The following FAM107B variants were observed in gnomAD, a reference collection of about 807,000 sequenced individuals.
FAM107B encodes family with sequence similarity 107 member B, also known as protein FAM107B.
Under a neutral mutation model 31.5 loss-of-function variants are expected in FAM107B, and 21 were observed. The observed-to-expected ratio is 0.67, with a 90% confidence interval of 0.47 to 0.96. The LOEUF is 0.96. Ranked by LOEUF, FAM107B falls within the 40% of genes least tolerant of loss-of-function variation. The pLI is 0.00. For synonymous variants in FAM107B, 157 were observed against 141.5 expected (o/e 1.11, Z -0.78); for missense variants, 452 against 377.1 (o/e 1.20, Z -1.64).
intron 2 of FAM107B, among the ~76,000 whole-genome samples, chr10:14,575,724 CAT>C (rs1337242812): frequency 3.3e-5 from 5 of 152,194 alleles, no homozygotes; most frequent in East Asian, 3.8e-4. Context: ...CAGACAGACA[CAT>C]GTGTGCACGG....
intron 1 of FAM107B, among the ~76,000 whole-genome samples, chr10:14,716,869 C>A (rs1289078801): frequency 6.6e-6 from 1 of 152,158 alleles, no homozygotes; most frequent in Non-Finnish European, 1.5e-5. Context: ...ACAGGTTGAT[C>A]ACCTGAGGTC....
At chr10:14,767,303 G>C (rs564190514) in intron 1 of FAM107B, among the ~76,000 whole-genome samples, 18 of 151,174 alleles carry the variant, frequency 1.2e-4, no homozygotes, top group African/African-American at 4.4e-4. Context: ...TGCTGGCCAG[G>C]CTGGTCTCGA....
intron 2 of FAM107B, among the ~76,000 whole-genome samples, chr10:14,584,744 C>G (rs1851769666): frequency 6.6e-6 from 1 of 152,200 alleles, no homozygotes; most frequent in Admixed American, 6.5e-5. Flanking sequence ...CAACTTTCCA[C>G]ACCTATGTAA....
intron 1 of FAM107B, among the ~76,000 whole-genome samples, chr10:14,740,678 A>T (rs7893725): frequency 2.1e-3 from 324 of 152,352 alleles, no homozygotes; most frequent in African/African-American, 7.3e-3. Flanking sequence ...TGTTAAAAAT[A>T]GGGAAAACTG....
At chr10:14,761,777 T>C (rs573037003) in intron 1 of FAM107B, among the ~76,000 whole-genome samples, 1 of 151,198 alleles carries the variant, frequency 6.6e-6, no homozygotes, top group East Asian at 1.9e-4. Context: ...TTTGTATTTT[T>C]AGTAGAGGGG....
chr10:14,734,686 T>C (rs1022333928), intron 1 of FAM107B, among the ~76,000 whole-genome samples: 1 of 151,956 alleles, frequency 6.6e-6, no homozygotes, highest in African/African-American at 2.4e-5. Flanking sequence ...TCAAGCGGAG[T>C]GACAATTTGG....
intron 2 of FAM107B, among the ~76,000 whole-genome samples, chr10:14,536,572 T>C (rs939996257): frequency 2.6e-5 from 4 of 152,168 alleles, no homozygotes; most frequent in African/African-American, 9.7e-5. Flanking sequence ...GGTAAGAATT[T>C]TTCCCAAAGT....
At chr10:14,716,173 T>C (rs1177520545) in intron 1 of FAM107B, among the ~76,000 whole-genome samples, 1 of 152,226 alleles carries the variant, frequency 6.6e-6, no homozygotes. Flanking sequence ...TATCTACTTA[T>C]CTGGAGAGTC....
rs1001565817 is a variant in FAM107B at position 14,774,312 on chromosome 10, A to T, written c.352T>A (p.Cys118Ser). 6.2e-6 allele frequency: 10 copies of T among 1,614,214 alleles called. No homozygotes were observed. The South Asian group carries it at 8.8e-5, about 14-fold the overall frequency. ...VPGSLDDGADCEAVVFHASIP... is the reference protein window; with the variant it reads ...VPGSLDDGADSEAVVFHASIP... The stretch of plus-strand genomic sequence containing the variant: ...GAAGCGTGAAACACCACTGCTTCAC[A>T]GTCCGCCCCATCATCCAGGGACCCG... The change falls in exon 1 of 5, where the codon TGT becomes AGT. Residue 118 changes from cysteine (C) to serine (S), a missense_variant. By Grantham distance (112) the Cys-to-Ser change is moderately radical (BLOSUM62 -1). Coordinates refer to ENST00000181796, the MANE Select transcript of FAM107B (RefSeq NM_031453.4).
intron 2 of FAM107B, among the ~76,000 whole-genome samples, chr10:14,642,095 G>C (rs539872451): frequency 6.6e-6 from 1 of 152,202 alleles, no homozygotes; most frequent in Non-Finnish European, 1.5e-5. Context: ...TTCCCATTCC[G>C]AAAGGGAGAA....
chr10:14,751,634 T>C (rs1832829591), intron 1 of FAM107B, among the ~76,000 whole-genome samples: 1 of 151,892 alleles, frequency 6.6e-6, no homozygotes, highest in African/African-American at 2.4e-5. Flanking sequence ...CCCAAAGTGA[T>C]GGAAATTACA....
intron 2 of FAM107B, among the ~76,000 whole-genome samples, chr10:14,575,969 C>T (rs1269054075): frequency 1.3e-5 from 2 of 152,142 alleles, no homozygotes; most frequent in East Asian, 1.9e-4. Flanking sequence ...GAAGACATCA[C>T]GCTAAGCGAA....
intron 2 of FAM107B, among the ~76,000 whole-genome samples, chr10:14,601,506 G>T (rs79303689): frequency 0.016 from 2,509 of 152,250 alleles, 45 homozygotes; most frequent in Non-Finnish European, 0.023. Context: ...GGTCTCATGA[G>T]GTCATCCCAA....
intron 2 of FAM107B, among the ~76,000 whole-genome samples, chr10:14,603,395 C>A (rs1200500009): frequency 6.6e-6 from 1 of 152,158 alleles, no homozygotes; most frequent in Non-Finnish European, 1.5e-5. Context: ...AAAATCGCAC[C>A]CATCCTATCA....
intron 2 of FAM107B, among the ~76,000 whole-genome samples, chr10:14,552,409 G>A (rs745670470): frequency 5.3e-5 from 8 of 152,004 alleles, no homozygotes; most frequent in South Asian, 2.1e-4. Flanking sequence ...ATCTCAGATC[G>A]GAGGCTTTCA....
intron 2 of FAM107B, chr10:14,534,819 C>G (rs748515400): frequency 6.6e-5 from 10 of 152,262 alleles, no homozygotes; most frequent in Admixed American, 2.6e-4. Context: ...CCTCTCTTCA[C>G]TGCAAAGAAC....
chr10:14,728,330 G>GGT (rs147215549), intron 1 of FAM107B, among the ~76,000 whole-genome samples: 12,447 of 147,120 alleles, frequency 0.085, 913 homozygotes, highest in African/African-American at 0.21. Context: ...TGGTATAAGG[G>GGT]GTGTGTGTGT....
chr10:14,693,388 G>A (rs1292092471), intron 1 of FAM107B, among the ~76,000 whole-genome samples: 1 of 151,000 alleles, frequency 6.6e-6, no homozygotes, highest in Non-Finnish European at 1.5e-5. Context: ...TGAGGCAGGA[G>A]AATTCCTTGA....
At chr10:14,707,779 C>T (rs1855555185) in intron 1 of FAM107B, among the ~76,000 whole-genome samples, 1 of 152,192 alleles carries the variant, frequency 6.6e-6, no homozygotes. Context: ...CTCCCAACTC[C>T]CACTTCATCA....
Sources: allele counts gnomAD v4.1 joint callset (sites outside exome capture counted in the v4.1 genomes callset), GRCh38; gene constraint gnomAD v4.1.1; transcripts MANE v1.5; gene names NCBI Gene and HGNC (gene_info 2026-07-23, HGNC 2026-07-21).